The following MYBPC1 variants were observed in gnomAD, a reference collection of about 807,000 sequenced individuals.
MYBPC1 encodes the protein myosin binding protein C1.
Under a neutral mutation model 147.1 loss-of-function variants are expected in MYBPC1, and 52 were observed. That is an observed-to-expected ratio of 0.35 (90% CI 0.28 to 0.45). The LOEUF (loss-of-function observed/expected upper bound fraction) is 0.45, where lower values mean the gene tolerates loss of function less well. Among genes scored for constraint, MYBPC1 ranks in the 20% least tolerant of loss-of-function variants. MYBPC1 has a pLI of 1.00. For missense variants in MYBPC1, 1,228 were observed against 1,440.3 expected, an observed-to-expected ratio of 0.85 and a Z score of 2.39; for synonymous variants, 477 against 475.9, an observed-to-expected ratio of 1.00 and a Z score of -0.03.
rs199707970 is a variant in MYBPC1, at chr12:101,671,333, A to T, written c.2613+924A>T. 0.013 allele frequency among the ~76,000 whole-genome samples: 1,734 copies of T among 133,174 alleles called. 86 individuals are homozygous for T. The East Asian group carries it at 0.16, about 12-fold the overall frequency. The allele number at this position is 133,174 out of a possible 152,430, so 87.4% of individuals were successfully genotyped here. The stretch of plus-strand genomic sequence containing the variant: ...TATACACACACACACACACACACAC[A>T]CACACTCACACACACACACTCACAC... On this transcript the variant is annotated intron_variant, in intron 24 of 31. Transcript: ENST00000361466.
At chr12:101,679,808 G>GA (rs55722142) in intron 28 of MYBPC1, among the ~76,000 whole-genome samples, 47,020 of 151,920 alleles carry the variant, frequency 0.31, 7,397 homozygotes, top group East Asian at 0.39. Context: ...GGGTTTCTCT[G>GA]AAAAAAATGC....
intron 7 of MYBPC1, 55 bp downstream of exon 7, chr12:101,631,774 A>T: frequency 3.1e-6 from 5 of 1,610,366 alleles, no homozygotes; most frequent in Non-Finnish European, 3.4e-6. Flanking sequence ...CTTCTATGTG[A>T]ATAAATGATT....
intron 24 of MYBPC1, among the ~76,000 whole-genome samples, chr12:101,671,316 C>T (rs919098958): frequency 1.5e-5 from 1 of 68,504 alleles, no homozygotes; most frequent in African/African-American, 4.7e-5. Flanking sequence ...CATATACACA[C>T]ACACACACAC....
rs1436624858 is a variant in MYBPC1 at position 101,677,215 on chromosome 12, A to G, written c.2950-20A>G. 3.7e-6 allele frequency: 6 copies of G among 1,607,962 alleles called. No individual in the cohort carries two copies. The highest frequency in any genetic ancestry group is 3.3e-5 in the South Asian group (3 of 90,908). ...ACTTTTAGGTGATTTTCCTCCAGTT[A>G]TTATTTTTTTTTCTTTTAGGAATGG... On this transcript the variant is annotated intron_variant, in intron 26 of 31. Transcript: ENST00000361466.
intron 24 of MYBPC1, 132 bp from the exon 25 acceptor site, chr12:101,673,295 C>A: frequency 2.3e-6 from 2 of 863,700 alleles, no homozygotes; most frequent in Admixed American, 1.9e-5. Flanking sequence ...AATTGCTCAC[C>A]ACCAGACTAG....
intron 10 of MYBPC1, among the ~76,000 whole-genome samples, chr12:101,640,414 T>A (rs1285431135): frequency 1.3e-5 from 2 of 152,254 alleles, no homozygotes; most frequent in African/African-American, 2.4e-5. Flanking sequence ...ATTTAGTGGA[T>A]CTGGCAAATT....
At chr12:101,609,283 T>C (rs1391233741) in intron 1 of MYBPC1, among the ~76,000 whole-genome samples, 1 of 151,930 alleles carries the variant, frequency 6.6e-6, no homozygotes, top group Admixed American at 6.6e-5. Flanking sequence ...CTTTTTAGTT[T>C]TAAAATTAAA....
In MYBPC1 at chr12:101,662,315, G is replaced by A. The variant is rs1445104488; in HGVS notation, c.2033-43G>A. ...TATTATCTGACAATGTTTAATTTCA[G>A]AGACCAAGGAAAAACCTTAGTTTTC... On this transcript the variant is annotated intron_variant, in intron 20 of 31. Transcript: ENST00000361466. The A allele has an allele frequency of 1.9e-6, 3 of 1,601,306 alleles. No individual in the cohort carries two copies. In the South Asian group the frequency reaches 3.3e-5, roughly 18 times the overall value.
chr12:101,693,648 G>T, the MYBPC1 span, among the ~76,000 whole-genome samples: 66 of 152,312 alleles, frequency 4.3e-4, no homozygotes, highest in Non-Finnish European at 7.3e-4. Context: ...TGCTGAGGCA[G>T]GTGAATCACT....
chr12:101,692,272 T>C, the MYBPC1 span, among the ~76,000 whole-genome samples: 1 of 152,176 alleles, frequency 6.6e-6, no homozygotes, highest in Non-Finnish European at 1.5e-5. Context: ...TTTTAGTAAA[T>C]TTAGTACAAT....
intron 1 of MYBPC1, among the ~76,000 whole-genome samples, chr12:101,597,294 A>T (rs1877685787): frequency 6.6e-6 from 1 of 152,184 alleles, no homozygotes; most frequent in Admixed American, 6.5e-5. Flanking sequence ...CCTCCAGCCC[A>T]TATGGGTCTT....
At chr12:101,695,387 T>C in the MYBPC1 span, among the ~76,000 whole-genome samples, 6 of 152,128 alleles carry the variant, frequency 3.9e-5, no homozygotes. Context: ...CTGGGTGAGA[T>C]TTCATCACGC....
At chr12:101,628,971 CT>C in intron 5 of MYBPC1, 2 of 223,850 alleles carry the variant, frequency 8.9e-6, no homozygotes, top group South Asian at 7.5e-5. Flanking sequence ...GCTTGGCTTT[CT>C]GACCCTTGTC....
intron 18 of MYBPC1, among the ~76,000 whole-genome samples, chr12:101,656,867 G>A (rs1391287120): frequency 6.6e-6 from 1 of 152,134 alleles, no homozygotes; most frequent in Non-Finnish European, 1.5e-5. Context: ...AACATCTATA[G>A]ATTACTTCAT....
intron 17 of MYBPC1, 148 bp from the exon 18 acceptor site, chr12:101,652,967 G>A (rs1894797512): frequency 1.0e-5 from 12 of 1,203,228 alleles, no homozygotes; most frequent in Non-Finnish European, 1.4e-5. Context: ...GGTTTTGCAA[G>A]GTGCCAGGCA....
At chr12:101,666,824 T>C in intron 22 of MYBPC1, 1 of 1,599,986 alleles carries the variant, frequency 6.3e-7, no homozygotes, top group Non-Finnish European at 8.6e-7. Context: ...AGCTCTCAAA[T>C]TTTCTTACTA....
chr12:101,616,745 A>T (rs916819561), intron 2 of MYBPC1, among the ~76,000 whole-genome samples: 2 of 152,200 alleles, frequency 1.3e-5, no homozygotes, highest in Non-Finnish European at 2.9e-5. Flanking sequence ...AGCAACATAC[A>T]CTGCACACAA....
chr12:101,673,720 C>A (rs1899219950), intron 25 of MYBPC1, 98 bp downstream of exon 25: 3 of 1,331,124 alleles, frequency 2.3e-6, no homozygotes, highest in Admixed American at 3.5e-5. Context: ...GTTAGGCTGG[C>A]TCTACATAAA....
chr12:101,669,647 G>A (rs1306026737), intron 23 of MYBPC1, among the ~76,000 whole-genome samples: 1 of 152,110 alleles, frequency 6.6e-6, no homozygotes, highest in Admixed American at 6.5e-5. Flanking sequence ...TAGAAACTAT[G>A]AATAACTGGC....
Sources: gnomAD v4.1 joint callset for allele counts (sites outside exome capture counted in the v4.1 genomes callset) on GRCh38, gnomAD v4.1.1 for gene constraint, MANE v1.5 for transcripts, NCBI Gene and HGNC (gene_info 2026-07-23, HGNC 2026-07-21) for gene names.